The following TMEM255B variants were observed in gnomAD, a reference collection of about 807,000 sequenced individuals.
TMEM255B encodes family with sequence similarity 70, member B.
TMEM255B carries 35 observed loss-of-function variants against 34.5 expected under a neutral mutation model. The ratio of observed to expected loss-of-function variants is 1.01; its 90% CI spans 0.77 to 1.34. TMEM255B has a LOEUF of 1.34. Among genes scored for constraint, TMEM255B ranks in the 40% most tolerant of loss-of-function variants. TMEM255B has a pLI of 0.00. For synonymous variants in TMEM255B, 206 were observed against 201.2 expected (o/e 1.02, Z -0.20); for missense variants, 432 against 433.2 (o/e 1.00, Z 0.02).
chr13:113,772,765 A>G (rs972026321), intron 3 of TMEM255B, among the ~76,000 whole-genome samples: 1 of 152,182 alleles, frequency 6.6e-6, no homozygotes, highest in Non-Finnish European at 1.5e-5. Flanking sequence ...TTTAATCTAT[A>G]TGTCTTTGCT....
intron 1 of TMEM255B, among the ~76,000 whole-genome samples, chr13:113,762,105 G>GAA (rs11290901): frequency 0.41 from 60,198 of 147,580 alleles, 12,850 homozygotes; most frequent in Middle Eastern, 0.53. Flanking sequence ...TCCGGGACAG[G>GAA]AAAAAAAAAA....
Position 113,804,978 on chromosome 13 carries a change from C to T in TMEM255B, c.763C>T (p.Leu255=). ...QQILAYAGFR[L]TPEPVPTCSS... Reference sequence around the variant, plus strand: ...GATCCTGGCCTACGCAGGCTTCCGCCTGACGCCCGAGCCCGTCCCGACCTG... The same window carrying T: ...GATCCTGGCCTACGCAGGCTTCCGCTTGACGCCCGAGCCCGTCCCGACCTG... Residue 255 remains leucine (L), a synonymous_variant, in exon 8 of 9, where the codon CTG becomes TTG. Coordinates refer to ENST00000375353, the MANE Select transcript of TMEM255B (RefSeq NM_182614.4). The T allele has an allele frequency of 2.5e-6, 4 of 1,606,788 alleles. No individual in the cohort carries two copies. Among genetic ancestry groups the T allele is most frequent in the Non-Finnish European group, 3.4e-6 (4 of 1,179,786 alleles).
Position 113,769,250 on chromosome 13 carries a change from C to T in TMEM255B, c.252+90C>T, listed in dbSNP as rs2050439763. 1 of 1,423,594 alleles carries T rather than the reference C, an allele frequency of 7.0e-7. No homozygotes were observed. Among genetic ancestry groups the T allele is most frequent in the Non-Finnish European group, 9.9e-7 (1 of 1,010,926 alleles). 88.2% of individuals were successfully genotyped at this position (1,423,594 alleles called of 1,614,324 possible). Reference sequence around the variant, plus strand: ...GGGGCTCTGAGAAGAGTCAGCCCTGCCTCCCCAGCACACTGGTGTCTACAG... The same window carrying T: ...GGGGCTCTGAGAAGAGTCAGCCCTGTCTCCCCAGCACACTGGTGTCTACAG... On this transcript the variant is annotated intron_variant, in intron 3 of 8. Coordinates refer to ENST00000375353, the MANE Select transcript of TMEM255B (RefSeq NM_182614.4). The surrounding 1 kb of genome is among the most constrained non-coding windows in gnomAD (Gnocchi z 4.2).
chr13:113,795,324 C>T, intron 4 of TMEM255B, 87 bp downstream of exon 4: 1 of 1,387,378 alleles, frequency 7.2e-7, no homozygotes, highest in Non-Finnish European at 9.9e-7. Flanking sequence ...TTGCAGATCT[C>T]AGCTCAGACG....
Position 113,788,702 on chromosome 13 carries a change from G to A in TMEM255B, c.253-6446G>A, listed in dbSNP as rs998923438. On this transcript the variant is annotated intron_variant, in intron 3 of 8. Transcript: ENST00000375353. ...ATCAGCACGGTGTCACCGTGTGGCC[G>A]CCCTCCACCCGTTTGTCTCTGCACA... Among the ~76,000 whole-genome samples, 9 of 151,998 alleles carry A rather than the reference G, an allele frequency of 5.9e-5. No homozygotes were observed. In the South Asian group the frequency reaches 8.3e-4, roughly 14 times the overall value.
chr13:113,789,628 T>G (rs1217227570), intron 3 of TMEM255B, among the ~76,000 whole-genome samples: 1 of 152,234 alleles, frequency 6.6e-6, no homozygotes, highest in African/African-American at 2.4e-5. Flanking sequence ...CTGCCTGGAC[T>G]CGGGTTGAAG....
chr13:113,788,669 G>A (rs2050780436), intron 3 of TMEM255B, among the ~76,000 whole-genome samples: 1 of 152,114 alleles, frequency 6.6e-6, no homozygotes, highest in South Asian at 2.1e-4. Context: ...CCCTGGCTCT[G>A]TGCCGTCATC....
chr13:113,761,492 T>C (rs2050307694), intron 1 of TMEM255B: 2 of 475,454 alleles, frequency 4.2e-6, no homozygotes, highest in African/African-American at 4.3e-5. Flanking sequence ...ATATCCTAGA[T>C]GGGCTGCACC....
At chr13:113,796,607 C>T (rs752879501) in intron 4 of TMEM255B, among the ~76,000 whole-genome samples, 4 of 152,160 alleles carry the variant, frequency 2.6e-5, no homozygotes, top group Non-Finnish European at 4.4e-5. Flanking sequence ...TCTCTAAAGT[C>T]GCAGGCCAAG....
intron 3 of TMEM255B, among the ~76,000 whole-genome samples, chr13:113,779,926 T>G (rs950219342): frequency 6.6e-6 from 1 of 152,230 alleles, no homozygotes; most frequent in East Asian, 1.9e-4. Context: ...ATGGTAGGAC[T>G]GGTTTACTTT....
Position 113,811,619 on chromosome 13 carries a change from T to C in TMEM255B, c.814-117T>C. The C allele has an allele frequency of 1.6e-6, 2 of 1,258,954 alleles. 1 individual carries two copies. Among genetic ancestry groups the C allele is most frequent in the South Asian group, 2.9e-5 (2 of 69,472 alleles). 78.0% of individuals were successfully genotyped at this position (1,258,954 alleles called of 1,614,324 possible). A position where few individuals can be genotyped will look rare whatever the true frequency, so the allele number is the denominator to read the frequency against. ...ATGGCCCTGAGTCTGCGGGTGGCCC[T>C]GGGTTGGCGGGGTGGGTGGGGAGCG... is the stretch of plus-strand genomic sequence containing the variant. On this transcript the variant is annotated intron_variant, in intron 8 of 8. Coordinates refer to ENST00000375353, the MANE Select transcript of TMEM255B (RefSeq NM_182614.4).
In TMEM255B at chr13:113,770,684, C is replaced by T. The variant is rs1469033340; in HGVS notation, c.252+1524C>T. ...CCACCCACCCCCTGTTGTTGGCTCC[C>T]GAGGGTGGGCGTCACAGCTGACCAG... On this transcript the variant is annotated intron_variant, in intron 3 of 8. Coordinates refer to ENST00000375353, the MANE Select transcript of TMEM255B (RefSeq NM_182614.4). The surrounding 1 kb of genome is among the most constrained non-coding windows in gnomAD (Gnocchi z 4.6). Among the ~76,000 whole-genome samples, 10 of 152,246 alleles carry T rather than the reference C, an allele frequency of 6.6e-5. No homozygotes were observed. Among genetic ancestry groups the T allele is most frequent in the Admixed American group, 6.5e-5 (1 of 15,296 alleles).
At chr13:113,763,476 C>T (rs2050340152) in intron 1 of TMEM255B, among the ~76,000 whole-genome samples, 1 of 152,192 alleles carries the variant, frequency 6.6e-6, no homozygotes, top group Non-Finnish European at 1.5e-5. Context: ...CGCCATCGCT[C>T]CTGTCTCTCG....
rs74118478 is a variant in TMEM255B at position 113,806,062 on chromosome 13, C to T, written c.813+1034C>T. Among the ~76,000 whole-genome samples the T allele has an allele frequency of 2.7e-3, 404 of 152,288 alleles. 4 individuals carry two copies. Among genetic ancestry groups the T allele is most frequent in the African/African-American group, 9.3e-3 (386 of 41,558 alleles). On this transcript the variant is annotated intron_variant, in intron 8 of 8. Coordinates refer to ENST00000375353, the MANE Select transcript of TMEM255B (RefSeq NM_182614.4). The surrounding 1 kb of genome is among the most constrained non-coding windows in gnomAD (Gnocchi z 4.2). ...ACATGACACAGGTCTTCAGATATTC[C>T]ACAAGAGGACCCTCTCCCGACACAT...
intron 1 of TMEM255B, among the ~76,000 whole-genome samples, chr13:113,760,094 G>C (rs531060834): frequency 3.1e-4 from 47 of 152,168 alleles, no homozygotes; most frequent in Non-Finnish European, 5.6e-4. Context: ...AAGCCCTGAC[G>C]GCTGGAGGGA....
intron 2 of TMEM255B, among the ~76,000 whole-genome samples, chr13:113,767,458 T>C (rs961187506): frequency 2.0e-5 from 3 of 152,262 alleles, no homozygotes; most frequent in Non-Finnish European, 4.4e-5. Flanking sequence ...CTCCAAGTGA[T>C]TTGCGAAACA....
intron 1 of TMEM255B, 105 bp downstream of exon 1, chr13:113,759,420 G>T: frequency 2.9e-6 from 3 of 1,050,684 alleles, no homozygotes; most frequent in Non-Finnish European, 3.6e-6. Flanking sequence ...CCTGCGCGGA[G>T]ACGCGGCACG....
chr13:113,785,895 T>C (rs1239117795), intron 3 of TMEM255B, among the ~76,000 whole-genome samples: 1 of 152,162 alleles, frequency 6.6e-6, no homozygotes, highest in Non-Finnish European at 1.5e-5. Context: ...CAGATGCTTC[T>C]CGGAGTGTTT....
intron 4 of TMEM255B, 69 bp downstream of exon 4, chr13:113,795,306 A>G (rs879305224): frequency 1.4e-4 from 217 of 1,514,708 alleles, no homozygotes; most frequent in Non-Finnish European, 1.7e-4. Flanking sequence ...AAAAAGTACA[A>G]TTTCATTTTG....
Sources: allele counts gnomAD v4.1 joint callset (sites outside exome capture counted in the v4.1 genomes callset), GRCh38; gene constraint gnomAD v4.1.1; non-coding constraint Gnocchi (gnomAD v3.1); transcripts MANE v1.5; gene names NCBI Gene and HGNC (gene_info 2026-07-23, HGNC 2026-07-21).